Variants in SMPD3 observed in about 807,000 individuals in gnomAD.
SMPD3 encodes sphingomyelin phosphodiesterase 3, also known as nSMase-2.
SMPD3 carries 21 observed loss-of-function variants against 55.7 expected under a neutral mutation model. The observed-to-expected ratio is 0.38, with a 90% CI of 0.27 to 0.54. The LOEUF (loss-of-function observed/expected upper bound fraction) is 0.54. Ranked by LOEUF, SMPD3 falls within the 20% of genes least tolerant of loss-of-function variation. The probability of loss-of-function intolerance (pLI) is 0.80; values close to 1 mark genes in which losing one functional copy is unlikely to be tolerated. For missense variants in SMPD3, 842 were observed against 899.6 expected, an observed-to-expected ratio of 0.94 and a Z score of 0.82; for synonymous variants, 457 against 404.3, an observed-to-expected ratio of 1.13 and a Z score of -1.56.
chr16:68,423,240 G>A (rs2090410160), intron 1 of SMPD3, among the ~76,000 whole-genome samples: 1 of 152,192 alleles, frequency 6.6e-6, no homozygotes, highest in African/African-American at 2.4e-5. Context: ...CTTGCTCTGA[G>A]TAGCTGAAGA....
At chr16:68,409,410 C>T (rs1276065471) in intron 1 of SMPD3, among the ~76,000 whole-genome samples, 2 of 152,158 alleles carry the variant, frequency 1.3e-5, no homozygotes, top group Non-Finnish European at 2.9e-5. Flanking sequence ...TGGGCAGCAG[C>T]TCTAATGCCT....
intron 1 of SMPD3, among the ~76,000 whole-genome samples, chr16:68,403,198 T>G (rs1270081438): frequency 6.6e-6 from 1 of 152,228 alleles, no homozygotes; most frequent in Non-Finnish European, 1.5e-5. Flanking sequence ...CACCCTCTAT[T>G]CCCTTCCCTG....
At chr16:68,361,856 A>G in intron 7 of SMPD3, 97 bp from the exon 8 acceptor site, 12 of 753,392 alleles carry the variant, frequency 1.6e-5, no homozygotes, top group Non-Finnish European at 2.2e-5. Context: ...CCAGTGTGGG[A>G]GCGGGTGGGT....
At chr16:68,438,044 C>T (rs750879367) in intron 1 of SMPD3, among the ~76,000 whole-genome samples, 4 of 152,084 alleles carry the variant, frequency 2.6e-5, no homozygotes, top group Admixed American at 6.5e-5. Flanking sequence ...CAACTCAGGC[C>T]CTCCCAGCAG....
In SMPD3 at chr16:68,376,414, C is replaced by T. The variant is rs768669945; in HGVS notation, c.-206-4027G>A. On this transcript the variant is annotated intron_variant, in intron 2 of 8. Transcript: ENST00000219334. ...TGCCCCCGCTCTCTGCTTCCATGTC[C>T]CTGGACTGGCAAGTTTGCCAAGTAG... Among the ~76,000 whole-genome samples, 8 of 152,264 alleles carry T rather than the reference C, an allele frequency of 5.3e-5. No individual in the cohort carries two copies. In the South Asian group the frequency reaches 1.2e-3, roughly 24 times the overall value.
At chr16:68,366,859 T>G (rs1160850388) in intron 3 of SMPD3, among the ~76,000 whole-genome samples, 1 of 152,028 alleles carries the variant, frequency 6.6e-6, no homozygotes, top group Non-Finnish European at 1.5e-5. Flanking sequence ...AATACAAAAA[T>G]TAGCCGGGCG....
chr16:68,413,886 C>T (rs112784367), intron 1 of SMPD3, among the ~76,000 whole-genome samples: 2 of 152,320 alleles, frequency 1.3e-5, no homozygotes, highest in African/African-American at 4.8e-5. Context: ...TTCTGGTGCT[C>T]TCCTGAAGGG....
At chr16:68,385,723 C>T (rs572303035) in intron 2 of SMPD3, among the ~76,000 whole-genome samples, 2 of 152,286 alleles carry the variant, frequency 1.3e-5, no homozygotes, top group South Asian at 4.2e-4. Context: ...TCAGGGGTCA[C>T]TAGTTTCTGC....
At chr16:68,414,793 G>T (rs1162433597) in intron 1 of SMPD3, among the ~76,000 whole-genome samples, 5 of 152,236 alleles carry the variant, frequency 3.3e-5, no homozygotes, top group Admixed American at 2.0e-4. Context: ...GCCGGGAGGG[G>T]AAGGCTCAGA....
intron 2 of SMPD3, among the ~76,000 whole-genome samples, chr16:68,375,223 AC>A (rs2089781152): frequency 6.6e-6 from 1 of 151,380 alleles, no homozygotes; most frequent in Non-Finnish European, 1.5e-5. Flanking sequence ...TGGTGGTCTC[AC>A]TGTCTTGGGG....
At chr16:68,437,271 C>T (rs2090530158) in intron 1 of SMPD3, among the ~76,000 whole-genome samples, 1 of 152,226 alleles carries the variant, frequency 6.6e-6, no homozygotes, top group South Asian at 2.1e-4. Context: ...GCCCTACTTT[C>T]TGATGCACAG....
intron 1 of SMPD3, among the ~76,000 whole-genome samples, chr16:68,387,609 C>G (rs2090070264): frequency 6.6e-6 from 1 of 152,226 alleles, no homozygotes; most frequent in African/African-American, 2.4e-5. Flanking sequence ...GGCCCGCCCC[C>G]TGTCTCAGGC....
At chr16:68,387,600 G>T (rs2090070064) in intron 1 of SMPD3, among the ~76,000 whole-genome samples, 1 of 152,188 alleles carries the variant, frequency 6.6e-6, no homozygotes, top group African/African-American at 2.4e-5. Flanking sequence ...TGGCTCCGGG[G>T]CCCGCCCCCT....
chr16:68,374,732 C>G (rs1294735073), intron 2 of SMPD3, among the ~76,000 whole-genome samples: 2 of 152,206 alleles, frequency 1.3e-5, no homozygotes, highest in South Asian at 2.1e-4. Flanking sequence ...GGGTTCCCCC[C>G]CAGCAAACCT....
chr16:68,400,410 A>G (rs2090195869), intron 1 of SMPD3, among the ~76,000 whole-genome samples: 1 of 152,192 alleles, frequency 6.6e-6, no homozygotes, highest in Non-Finnish European at 1.5e-5. Flanking sequence ...TATCCCAGGA[A>G]ATGGACCTAA....
rs2090057587 is a variant in SMPD3, at chr16:68,386,645, G to A, written c.-254C>T. ...TTGTTGTCCTTCTCTCTGAAGAAGA[G>A]CTGTCACCGCAGACCTGAAAGGAGA... On this transcript the variant is annotated 5_prime_UTR_variant, in exon 2 of 9. Transcript: ENST00000219334. 1 of 150,556 alleles carries A rather than the reference G, an allele frequency of 6.6e-6. No individual in the cohort carries two copies. The highest frequency in any genetic ancestry group is 1.5e-5 in the Non-Finnish European group (1 of 67,616). The allele number at this position is 150,556 out of a possible 1,614,324, so 9.3% of individuals were successfully genotyped here. A position where few individuals can be genotyped will look rare whatever the true frequency, so the allele number is the denominator to read the frequency against.
At position 68,361,137 on chromosome 16, in the gene SMPD3, G is replaced by A. The variant is rs1411553384; in HGVS notation, c.*69C>T. ...CTCCCCCAAGCACCGGGCACTCGAT[G>A]GAGGGGACATGGCCCAGGGATGGGC... On this transcript the variant is annotated 3_prime_UTR_variant, in exon 9 of 9. Coordinates refer to ENST00000219334, the MANE Select transcript of SMPD3 (RefSeq NM_018667.4). The A allele has an allele frequency of 6.9e-7, 1 of 1,439,454 alleles. No homozygotes were observed. Among genetic ancestry groups the A allele is most frequent in the Non-Finnish European group, 9.6e-7 (1 of 1,037,822 alleles). The allele number at this position is 1,439,454 out of a possible 1,614,324, so 89.2% of individuals were successfully genotyped here. A position where few individuals can be genotyped will look rare whatever the true frequency, so the allele number is the denominator to read the frequency against.
chr16:68,417,644 C>T (rs1300834565), intron 1 of SMPD3, among the ~76,000 whole-genome samples: 1 of 152,200 alleles, frequency 6.6e-6, no homozygotes, highest in Non-Finnish European at 1.5e-5. Context: ...TTTGCTTTGG[C>T]TGCTAGGAAG....
At chr16:68,410,970 C>T (rs1297096576) in intron 1 of SMPD3, among the ~76,000 whole-genome samples, 1 of 152,250 alleles carries the variant, frequency 6.6e-6, no homozygotes, top group Non-Finnish European at 1.5e-5. Context: ...TGAGTTCTGC[C>T]TAAGCAGGGA....
Sources: gnomAD v4.1 joint callset for allele counts (sites outside exome capture counted in the v4.1 genomes callset) on GRCh38, gnomAD v4.1.1 for gene constraint, MANE v1.5 for transcripts, NCBI Gene and HGNC (gene_info 2026-07-23, HGNC 2026-07-21) for gene names.